Variants in NAV1 observed in about 807,000 individuals in gnomAD.
The protein encoded by NAV1 is neuron navigator 1.
In NAV1, 18 loss-of-function variants were observed where a neutral mutation model predicts 175.2. The observed-to-expected ratio is 0.10, with a 90% CI of 0.07 to 0.15. The LOEUF (loss-of-function observed/expected upper bound fraction) is 0.15, where lower values mean the gene tolerates loss of function less well. NAV1 is among the 10% of genes least tolerant of loss of function. The pLI, the probability that NAV1 is intolerant of heterozygous loss-of-function variation, is 1.00. For missense variants in NAV1, 1,731 were observed against 2,436.6 expected (o/e 0.71, Z 6.10); for synonymous variants, 897 against 978.7 (o/e 0.92, Z 1.56).
rs1217222089 is a variant in NAV1 at position 201,694,269 on chromosome 1, G to T, written c.758-18548G>T. On this transcript the variant is annotated intron_variant, in intron 1 of 29. Transcript: ENST00000367296. The surrounding 1 kb of genome is among the most constrained non-coding windows in gnomAD (Gnocchi z 4.2). The stretch of plus-strand genomic sequence containing the variant: ...GTTGGGGTGTAGAGGCATAGGGGAA[G>T]TCAAAGCAATGGCTGGGAAACCTTG... Among the ~76,000 whole-genome samples, 1 of 152,196 alleles carries T rather than the reference G, an allele frequency of 6.6e-6. No individual in the cohort carries two copies. Among genetic ancestry groups the T allele is most frequent in the East Asian group, 1.9e-4 (1 of 5,184 alleles).
At chr1:201,630,120 G>C (rs931201971) in intron 2 of NAV1, among the ~76,000 whole-genome samples, 3 of 152,226 alleles carry the variant, frequency 2.0e-5, no homozygotes, top group Non-Finnish European at 4.4e-5. Flanking sequence ...ATGATGCATG[G>C]ATGAGTGAGT....
intron 1 of NAV1, among the ~76,000 whole-genome samples, chr1:201,660,437 C>T (rs1008607653): frequency 6.6e-6 from 1 of 152,186 alleles, no homozygotes; most frequent in African/African-American, 2.4e-5. Context: ...CGTCAGGCCT[C>T]CCTACTTGGC....
intron 1 of NAV1, among the ~76,000 whole-genome samples, chr1:201,662,395 A>G (rs1326410816): frequency 2.0e-5 from 3 of 152,236 alleles, no homozygotes; most frequent in Non-Finnish European, 4.4e-5. Flanking sequence ...CCAAAGGGCC[A>G]GTATGTCTGC....
intron 1 of NAV1, among the ~76,000 whole-genome samples, chr1:201,684,591 C>G (rs1341137592): frequency 6.6e-6 from 1 of 150,656 alleles, no homozygotes; most frequent in Non-Finnish European, 1.5e-5. Flanking sequence ...TCTCCTGCCT[C>G]AGCCTCCTGA....
chr1:201,761,101 G>T (rs1225007135), intron 3 of NAV1, among the ~76,000 whole-genome samples: 1 of 152,084 alleles, frequency 6.6e-6, no homozygotes, highest in African/African-American at 2.4e-5. Flanking sequence ...TAAAGATTTT[G>T]TTGACTGAAT....
At chr1:201,781,679 C>T (rs1676334813) in intron 5 of NAV1, among the ~76,000 whole-genome samples, 1 of 152,168 alleles carries the variant, frequency 6.6e-6, no homozygotes, top group Non-Finnish European at 1.5e-5. Context: ...TCATAGGATA[C>T]AGCTTGACAT....
chr1:201,630,897 T>C (rs1402552916), intron 2 of NAV1, among the ~76,000 whole-genome samples: 1 of 152,232 alleles, frequency 6.6e-6, no homozygotes, highest in East Asian at 1.9e-4. Flanking sequence ...ATGATCTCCA[T>C]GCACCTAACC....
chr1:201,807,900 C>A lies in NAV1; in HGVS notation c.3649-53C>A, dbSNP rs561467586. 1 of 1,565,322 alleles carries A rather than the reference C, an allele frequency of 6.4e-7. No individual in the cohort carries two copies. Among genetic ancestry groups the A allele is most frequent in the East Asian group, 2.2e-5 (1 of 44,470 alleles). ...CAGAAGTCTCAATCCAGTCCTCCCC[C>A]ATCCCAGTAGTGGAGTCCTAATGTC... On this transcript the variant is annotated intron_variant, in intron 17 of 29. Transcript: ENST00000367296. This position sits in a 1 kb window ranked among gnomAD's most constrained non-coding sequence, Gnocchi z 5.4.
chr1:201,645,558 A>G (rs1467731940), upstream of NAV1, among the ~76,000 whole-genome samples: 1 of 152,096 alleles, frequency 6.6e-6, no homozygotes, highest in Non-Finnish European at 1.5e-5. Flanking sequence ...TAATAATAAT[A>G]AAATAAAATA....
At chr1:201,731,539 T>C (rs1434057247) in intron 3 of NAV1, among the ~76,000 whole-genome samples, 1 of 152,148 alleles carries the variant, frequency 6.6e-6, no homozygotes, top group Non-Finnish European at 1.5e-5. Flanking sequence ...GTGTCGTACC[T>C]TGTCTCTTTC....
intron 2 of NAV1, among the ~76,000 whole-genome samples, chr1:201,633,732 A>G (rs918000731): frequency 2.6e-5 from 4 of 152,228 alleles, no homozygotes; most frequent in Non-Finnish European, 5.9e-5. Context: ...GGCCAAGATG[A>G]GCCTTATGTC....
intron 3 of NAV1, among the ~76,000 whole-genome samples, chr1:201,726,091 A>T (rs937216730): frequency 6.6e-5 from 10 of 152,262 alleles, no homozygotes; most frequent in African/African-American, 2.4e-4. Flanking sequence ...AACAATTAGA[A>T]TGCTGACTCC....
chr1:201,746,818 T>C (rs1003690088), intron 3 of NAV1, among the ~76,000 whole-genome samples: 5 of 151,518 alleles, frequency 3.3e-5, no homozygotes, highest in Non-Finnish European at 7.4e-5. Context: ...CTGGGAAACA[T>C]GGGGAAACCT....
chr1:201,665,696 T>C (rs1351159808), intron 1 of NAV1, among the ~76,000 whole-genome samples: 1 of 150,186 alleles, frequency 6.7e-6, no homozygotes, highest in Non-Finnish European at 1.5e-5. Context: ...TTAGAACACC[T>C]GGCTCCTTTA....
At chr1:201,751,387 C>T (rs1160014164) in intron 3 of NAV1, among the ~76,000 whole-genome samples, 1 of 152,190 alleles carries the variant, frequency 6.6e-6, no homozygotes, top group East Asian at 1.9e-4. Context: ...CTGATTTGTT[C>T]CACGGCTGAG....
At chr1:201,565,027 A>G (rs1296746177) in intron 1 of NAV1, among the ~76,000 whole-genome samples, 3 of 152,234 alleles carry the variant, frequency 2.0e-5, no homozygotes, top group African/African-American at 7.2e-5. Context: ...CAGGGTCCTT[A>G]ATCTTAATCA....
In NAV1 at chr1:201,787,353, A is replaced by C. The variant is rs1676827689; in HGVS notation, c.2995+776A>C. Among the ~76,000 whole-genome samples the C allele has an allele frequency of 6.6e-6, 1 of 152,156 alleles. No individual in the cohort carries two copies. Among genetic ancestry groups the C allele is most frequent in the Non-Finnish European group, 1.5e-5 (1 of 68,038 alleles). ...ATCTCTTCTTTCAGCTGAGTAAAAGAAATCAGTTAATAAAAGACAAGGACC... is the reference window on the plus strand; with the variant it reads ...ATCTCTTCTTTCAGCTGAGTAAAAGCAATCAGTTAATAAAAGACAAGGACC... On this transcript the variant is annotated intron_variant, in intron 9 of 29. Transcript: ENST00000367296. This position sits in a 1 kb window ranked among gnomAD's most constrained non-coding sequence, Gnocchi z 4.3.
intron 15 of NAV1, among the ~76,000 whole-genome samples, chr1:201,802,769 A>T (rs1678018488): frequency 6.6e-6 from 1 of 150,598 alleles, no homozygotes. Flanking sequence ...ACAGAGCAAG[A>T]CTCCATCTCA....
chr1:201,563,042 A>G (rs116517063), intron 1 of NAV1, among the ~76,000 whole-genome samples: 2,321 of 152,348 alleles, frequency 0.015, 24 homozygotes, highest in Non-Finnish European at 0.026. Flanking sequence ...ATGAGTATTT[A>G]GAGTGGCCTG....
Sources: allele counts gnomAD v4.1 joint callset (sites outside exome capture counted in the v4.1 genomes callset), GRCh38; gene constraint gnomAD v4.1.1; non-coding constraint Gnocchi (gnomAD v3.1); transcripts MANE v1.5; gene names NCBI Gene and HGNC (gene_info 2026-07-23, HGNC 2026-07-21).